ANO4: variants seen among roughly 807,000 people sequenced by gnomAD.
ANO4 encodes anoctamin 4.
ANO4 carries 69 observed loss-of-function variants against 141.9 expected under a neutral mutation model. The ratio of observed to expected loss-of-function variants is 0.49; its 90% CI spans 0.40 to 0.59. The LOEUF (loss-of-function observed/expected upper bound fraction) is 0.59. ANO4 is among the 20% of genes least tolerant of loss of function. The pLI is 0.00. For synonymous variants in ANO4, 350 were observed against 394.3 expected (o/e 0.89, Z 1.33); for missense variants, 894 against 1,162.2 (o/e 0.77, Z 3.36).
At chr12:100,824,130 C>G (rs1017753171) in intron 1 of ANO4, among the ~76,000 whole-genome samples, 1 of 151,910 alleles carries the variant, frequency 6.6e-6, no homozygotes, top group Non-Finnish European at 1.5e-5. Flanking sequence ...TTTTGTGCAA[C>G]TTGGAGTTTT....
At chr12:100,816,073 A>T (rs527324022) in intron 1 of ANO4, among the ~76,000 whole-genome samples, 5 of 152,156 alleles carry the variant, frequency 3.3e-5, no homozygotes, top group African/African-American at 7.2e-5. Context: ...TTAATTTCTT[A>T]AATTGTGTTC....
intron 3 of ANO4, among the ~76,000 whole-genome samples, chr12:100,751,540 G>T (rs1180469807): frequency 1.3e-5 from 2 of 152,064 alleles, no homozygotes; most frequent in African/African-American, 4.8e-5. Context: ...GGCAAATAAG[G>T]ATACAACTGA....
At chr12:100,726,925 A>T (rs1484962638) in intron 1 of ANO4, among the ~76,000 whole-genome samples, 1 of 152,034 alleles carries the variant, frequency 6.6e-6, no homozygotes, top group African/African-American at 2.4e-5. Context: ...ACACACAGAA[A>T]AGTGCAGATA....
chr12:101,077,765 C>T (rs909723918), intron 14 of ANO4, among the ~76,000 whole-genome samples: 1 of 152,160 alleles, frequency 6.6e-6, no homozygotes, highest in African/African-American at 2.4e-5. Context: ...AGCCTCACAT[C>T]AGTCCAGGTC....
At chr12:100,753,544 T>C (rs2032476435) in intron 3 of ANO4, among the ~76,000 whole-genome samples, 1 of 152,118 alleles carries the variant, frequency 6.6e-6, no homozygotes, top group Non-Finnish European at 1.5e-5. Context: ...GTACATCACT[T>C]TAGGAAGGCA....
intron 3 of ANO4, among the ~76,000 whole-genome samples, chr12:100,744,558 G>A (rs921873764): frequency 1.3e-5 from 2 of 151,996 alleles, no homozygotes; most frequent in Admixed American, 6.6e-5. Context: ...ACCTTCAAAT[G>A]CCATCACGCT....
At chr12:100,777,269 CT>C (rs71091463) in intron 3 of ANO4, among the ~76,000 whole-genome samples, 2,013 of 50,584 alleles carry the variant, frequency 0.04, 71 homozygotes, top group African/African-American at 0.16. Flanking sequence ...ATTTTTGTAT[CT>C]TTTTTTTTTT....
intron 9 of ANO4, among the ~76,000 whole-genome samples, chr12:101,027,350 G>A (rs1217909295): frequency 6.6e-6 from 1 of 152,200 alleles, no homozygotes; most frequent in Non-Finnish European, 1.5e-5. Flanking sequence ...GCTCCTGCGG[G>A]GAGGGGTGAC....
intron 3 of ANO4, among the ~76,000 whole-genome samples, chr12:100,930,904 CTT>C (rs887267221): frequency 2.0e-5 from 3 of 152,122 alleles, no homozygotes; most frequent in African/African-American, 7.2e-5. Context: ...TCAGTTGTCT[CTT>C]TGTCTGCTCC....
intron 1 of ANO4, among the ~76,000 whole-genome samples, chr12:100,891,994 A>T (rs1241952645): frequency 6.6e-6 from 1 of 152,204 alleles, no homozygotes; most frequent in Non-Finnish European, 1.5e-5. Flanking sequence ...AACTGAGATC[A>T]TGTGGAGTTT....
intron 3 of ANO4, among the ~76,000 whole-genome samples, chr12:100,787,606 A>G (rs17030587): frequency 0.012 from 1,794 of 152,292 alleles, 44 homozygotes; most frequent in African/African-American, 0.041. Flanking sequence ...TTCTGAGACT[A>G]TGATATTCGC....
At chr12:101,106,876 C>T (rs964714179) in intron 22 of ANO4, among the ~76,000 whole-genome samples, 2 of 129,010 alleles carry the variant, frequency 1.6e-5, no homozygotes, top group South Asian at 2.5e-4. Flanking sequence ...CTCTATGCTA[C>T]AAGTCTCTTC....
At chr12:100,899,091 A>T (rs772814198) in intron 1 of ANO4, among the ~76,000 whole-genome samples, 12 of 152,174 alleles carry the variant, frequency 7.9e-5, no homozygotes, top group African/African-American at 1.4e-4. Context: ...CTCTGGGAGT[A>T]GAAGGCTCAT....
chr12:100,830,426 C>T lies in ANO4; in HGVS notation c.-141+35399C>T, dbSNP rs192886094. Among the ~76,000 whole-genome samples, 14 of 152,130 alleles carry T rather than the reference C, an allele frequency of 9.2e-5. No homozygotes were observed. In the East Asian group the frequency reaches 1.9e-3, roughly 21 times the overall value. On this transcript the variant is annotated intron_variant, in intron 1 of 27. Transcript: ENST00000392977. ...TGCGCTTTGAGAATTAGGCAGTGCT[C>T]GGGAGTCCATTTTATTTTTCTACTT... is the stretch of plus-strand genomic sequence containing the variant.
intron 1 of ANO4, among the ~76,000 whole-genome samples, chr12:100,883,940 C>T (rs574844393): frequency 1.3e-5 from 2 of 152,180 alleles, no homozygotes; most frequent in Non-Finnish European, 2.9e-5. Context: ...CCTTAAAATA[C>T]AACGGTTGTC....
Position 101,103,181 on chromosome 12 carries a change from T to TATATATATA in ANO4, c.2149+3461_2149+3462insATATATATA, listed in dbSNP as rs1555302952. Among the ~76,000 whole-genome samples the TATATATATA allele has an allele frequency of 6.6e-5, 6 of 90,672 alleles. 1 individual carries two copies. The highest frequency in any genetic ancestry group is 3.1e-4 in the African/African-American group (6 of 19,108). The allele number at this position is 90,672 out of a possible 152,430, so 59.5% of individuals were successfully genotyped here. ...AACTTTACATTTTCCTTTTTAGTCA[T>TATATATATA]TTTATATATATATATATATATATAT... On this transcript the variant is annotated intron_variant, in intron 22 of 27. Transcript: ENST00000392977.
chr12:100,958,265 C>G (rs994415823), intron 5 of ANO4, among the ~76,000 whole-genome samples: 1 of 152,230 alleles, frequency 6.6e-6, no homozygotes, highest in Non-Finnish European at 1.5e-5. Flanking sequence ...CCAGAGAATG[C>G]TCAGTGAGCC....
intron 18 of ANO4, among the ~76,000 whole-genome samples, chr12:101,095,386 A>T (rs1255698317): frequency 1.3e-5 from 2 of 152,036 alleles, no homozygotes; most frequent in African/African-American, 4.8e-5. Context: ...ATGCCATTGG[A>T]GGTACAGTCC....
intron 5 of ANO4, among the ~76,000 whole-genome samples, chr12:100,949,439 T>C (rs910660227): frequency 6.1e-4 from 93 of 152,234 alleles, no homozygotes; most frequent in African/African-American, 2.1e-3. Context: ...ATAATGGGAT[T>C]TATCTCATGG....
Sources: allele counts gnomAD v4.1 joint callset (sites outside exome capture counted in the v4.1 genomes callset), GRCh38; gene constraint gnomAD v4.1.1; transcripts MANE v1.5; gene names NCBI Gene and HGNC (gene_info 2026-07-23, HGNC 2026-07-21).